The following COPA variants were observed in gnomAD, a reference collection of about 807,000 sequenced individuals.
COPA encodes the protein coatomer subunit alpha.
A neutral mutation model predicts 158.7 loss-of-function variants in COPA; 10 were observed. The observed-to-expected ratio is 0.06, with a 90% confidence interval of 0.04 to 0.11. The LOEUF (loss-of-function observed/expected upper bound fraction) is 0.11, where lower values mean the gene tolerates loss of function less well. Among genes scored for constraint, COPA ranks in the 10% least tolerant of loss-of-function variants. The probability of loss-of-function intolerance (pLI) is 1.00; values close to 1 mark genes in which losing one functional copy is unlikely to be tolerated. For missense variants in COPA, 1,065 were observed against 1,536.7 expected, an observed-to-expected ratio of 0.69 and a Z score of 5.13; for synonymous variants, 462 against 542.8, an observed-to-expected ratio of 0.85 and a Z score of 2.07.
intron 11 of COPA, among the ~76,000 whole-genome samples, chr1:160,311,616 C>T (rs1259143294): frequency 2.0e-5 from 3 of 151,254 alleles, no homozygotes; most frequent in African/African-American, 7.3e-5. Flanking sequence ...GGCGTGGTGG[C>T]GGGCGCCTGT....
chr1:160,293,776 G>A (rs985830790), intron 25 of COPA, among the ~76,000 whole-genome samples: 4 of 151,910 alleles, frequency 2.6e-5, no homozygotes, highest in Admixed American at 6.6e-5. Flanking sequence ...CATTACAGGC[G>A]TGAGCCACTG....
rs147739276 is a variant in COPA, at chr1:160,308,861, T to G, written c.1219+240A>C. 2.9e-4 allele frequency: 132 copies of G among 449,792 alleles called. 1 individual carries two copies. The highest frequency in any genetic ancestry group is 2.4e-3 in the African/African-American group (119 of 49,448). The allele number at this position is 449,792 out of a possible 1,614,324, so 27.9% of individuals were successfully genotyped here. ...TAACATGCTGTGCTGAAAGAGAGAA[T>G]GGAGAGTTTCTAATAACCAAATTAT... On this transcript the variant is annotated intron_variant, in intron 13 of 32. Coordinates refer to ENST00000241704, the MANE Select transcript of COPA (RefSeq NM_004371.4).
intron 1 of COPA, among the ~76,000 whole-genome samples, chr1:160,341,428 G>A (rs891713527): frequency 3.9e-5 from 6 of 152,122 alleles, no homozygotes; most frequent in Non-Finnish European, 5.9e-5. Flanking sequence ...CATTTTGTCC[G>A]CCAATTTTTG....
chr1:160,322,532 A>G (rs1183580602), intron 8 of COPA, among the ~76,000 whole-genome samples: 1 of 152,240 alleles, frequency 6.6e-6, no homozygotes, highest in African/African-American at 2.4e-5. Context: ...CAAAATGCTC[A>G]TCAATAATTA....
At chr1:160,298,190 G>GAAAAAAAAAAAAAAAAAAAAAAA (rs1327051756) in intron 19 of COPA, among the ~76,000 whole-genome samples, 1 of 117,786 alleles carries the variant, frequency 8.5e-6, no homozygotes, top group Non-Finnish European at 1.9e-5. Context: ...TCAAAAAAAA[G>GAAAAAAAAAAAAAAAAAAAAAAA]AAAAAAAAAA....
intron 25 of COPA, 59 bp downstream of exon 25, chr1:160,294,425 C>G: frequency 7.0e-7 from 1 of 1,437,164 alleles, no homozygotes; most frequent in Non-Finnish European, 9.8e-7. Context: ...GACAATAAGG[C>G]CTCTGGCTTC....
chr1:160,298,363 C>T (rs1376733047), intron 19 of COPA, among the ~76,000 whole-genome samples: 1 of 152,140 alleles, frequency 6.6e-6, no homozygotes, highest in East Asian at 1.9e-4. Flanking sequence ...CCTTACTTCC[C>T]ACCTGCCAGG....
At chr1:160,298,342 T>C (rs1348179328) in intron 19 of COPA, among the ~76,000 whole-genome samples, 1 of 152,226 alleles carries the variant, frequency 6.6e-6, no homozygotes, top group Non-Finnish European at 1.5e-5. Context: ...GAGCCAGTTC[T>C]TGCTTAGCTA....
In COPA at chr1:160,306,423, T is replaced by C. The variant is rs754389311; in HGVS notation, c.1373A>G (p.Tyr458Cys). The stretch of plus-strand genomic sequence containing the variant: ...AAGCAGGAGATTGCCTGTGCCAGCA[T>C]AGAAGATCTCATCACAGTTGGGCAC... ...VQVPNCDEIF[Y>C]AGTGNLLLRD... The change falls in exon 15 of 33, where the codon TAT becomes TGT. Residue 458 changes from tyrosine (Y) to cysteine (C), a missense_variant. Tyr to Cys is a radical substitution (Grantham distance 194, BLOSUM62 -2). Transcript: ENST00000241704. The C allele has an allele frequency of 5.0e-6, 8 of 1,614,214 alleles. No individual in the cohort carries two copies. The highest frequency in any genetic ancestry group is 4.5e-5 in the East Asian group (2 of 44,890).
chr1:160,305,963 C>T, intron 15 of COPA, 190 bp from the exon 16 acceptor site: 1 of 612,488 alleles, frequency 1.6e-6, no homozygotes, highest in Non-Finnish European at 2.9e-6. Context: ...ACATTGTGCA[C>T]TTACCCCTTC....
Position 160,290,594 on chromosome 1 carries a change from T to A in COPA, c.3513A>T (p.Ala1171=). 1 of 1,614,180 alleles carries A rather than the reference T, an allele frequency of 6.2e-7. No homozygotes were observed. Among genetic ancestry groups the A allele is most frequent in the Non-Finnish European group, 8.5e-7 (1 of 1,180,022 alleles). ...TTCCACGGTAGATGGGCCGATATGATGCAGCACAAATGTCAAAGGGGTTGT... is the reference window on the plus strand; with the variant it reads ...TTCCACGGTAGATGGGCCGATATGAAGCAGCACAAATGTCAAAGGGGTTGT... ...DMHNPFDICA[A]SYRPIYRGKP... Residue 1171 remains alanine, a synonymous_variant, in exon 32 of 33, where the codon GCA becomes GCT. Coordinates refer to ENST00000241704, the MANE Select transcript of COPA (RefSeq NM_004371.4).
rs1658473655 is a variant in COPA, at chr1:160,298,095, C to T, written c.1978-350G>A. 2.6e-5 allele frequency among the ~76,000 whole-genome samples: 4 copies of T among 151,846 alleles called. No individual in the cohort carries two copies. In the South Asian group the frequency reaches 8.3e-4, roughly 32 times the overall value. ...ACTCGGGAAGCTGAGGCAGGAGAAT[C>T]GCTTGGACCCAGGAGGCGGAGGTTG... On this transcript the variant is annotated intron_variant, in intron 19 of 32. Transcript: ENST00000241704.
At chr1:160,302,976 C>T (rs1198321807) in intron 17 of COPA, among the ~76,000 whole-genome samples, 1 of 152,070 alleles carries the variant, frequency 6.6e-6, no homozygotes, top group Non-Finnish European at 1.5e-5. Flanking sequence ...AGTTCGAGAC[C>T]AGCCTGGCCA....
In COPA at chr1:160,297,692, C is replaced by G. The variant is rs778053084; in HGVS notation, c.2031G>C (p.Leu677=). 1 of 1,614,130 alleles carries G rather than the reference C, an allele frequency of 6.2e-7. No individual in the cohort carries two copies. The highest frequency in any genetic ancestry group is 8.5e-7 in the Non-Finnish European group (1 of 1,180,012). The part of the protein sequence containing the change: ...ALDDKNCWEK[L]GEVALLQGNH... ...TCCCCTGCAGCAGGGCCACTTCTCC[C>G]AGCTTTTCCCAGCAGTTCTTGTCAT... The change falls in exon 20 of 33, where the codon CTG becomes CTC. Residue 677 remains leucine (L), a synonymous_variant. Transcript: ENST00000241704.
In COPA at chr1:160,300,392, T is replaced by TAAAA. The variant is rs59640389; in HGVS notation, c.1668-1129_1668-1128insTTTT. On this transcript the variant is annotated intron_variant, in intron 17 of 32. Transcript: ENST00000241704. ...ATAAATAAATAAATAAATAAATAAATAGAAGGATCAAACTCCTAAAAAATA... is the reference window on the plus strand; with the variant it reads ...ATAAATAAATAAATAAATAAATAAATAAAAAGAAGGATCAAACTCCTAAAAAATA... Among the ~76,000 whole-genome samples, 153 of 146,124 alleles carry TAAAA rather than the reference T, an allele frequency of 1.0e-3. 2 individuals are homozygous for TAAAA. The highest frequency in any genetic ancestry group is 3.5e-3 in the African/African-American group (140 of 39,744).
chr1:160,340,154 T>C, intron 2 of COPA, 27 bp downstream of exon 2: 1 of 1,558,548 alleles, frequency 6.4e-7, no homozygotes, highest in Non-Finnish European at 8.8e-7. Flanking sequence ...CTTATACTCC[T>C]TTAACTTCCT....
chr1:160,340,321 G>C, intron 1 of COPA, 27 bp from the exon 2 acceptor site: 1 of 1,446,594 alleles, frequency 6.9e-7, no homozygotes, highest in Non-Finnish European at 9.7e-7. Flanking sequence ...ATGATACAAT[G>C]AGCTAACTAA....
At chr1:160,317,308 G>A in intron 8 of COPA, 1 of 1,137,604 alleles carries the variant, frequency 8.8e-7, no homozygotes, top group Admixed American at 1.7e-5. Context: ...TTGTGCTGTG[G>A]GGAAGGGAGA....
In COPA at chr1:160,311,993, A is replaced by G. The variant is rs1293536598; in HGVS notation, c.951T>C (p.Phe317=). ...AGGCTGGCCGTTCCCGTTCCAGCTT[A>G]AACACAATCATACCACCATCATGGC... The part of the protein sequence containing the change: ...AAGHDGGMIV[F]KLERERPAYA... The change falls in exon 11 of 33, where the codon TTT becomes TTC. Residue 317 remains phenylalanine, a synonymous_variant. Coordinates refer to ENST00000241704, the MANE Select transcript of COPA (RefSeq NM_004371.4). 2 of 1,613,914 alleles carry G rather than the reference A, an allele frequency of 1.2e-6. No homozygotes were observed. The highest frequency in any genetic ancestry group is 1.3e-5 in the African/African-American group (1 of 74,922).
Sources: allele counts gnomAD v4.1 joint callset (sites outside exome capture counted in the v4.1 genomes callset), GRCh38; gene constraint gnomAD v4.1.1; transcripts MANE v1.5; gene names NCBI Gene and HGNC (gene_info 2026-07-23, HGNC 2026-07-21).